Variants in CDR2L observed in about 807,000 individuals in gnomAD.
CDR2L encodes cerebellar degeneration-related protein 2-like.
Under a neutral mutation model 36.1 loss-of-function variants are expected in CDR2L, and 19 were observed. That is an observed-to-expected ratio of 0.53 (90% CI 0.37 to 0.77). The LOEUF (loss-of-function observed/expected upper bound fraction) is 0.77, where lower values mean the gene tolerates loss of function less well. CDR2L is among the 30% of genes least tolerant of loss of function. The pLI is 0.00. For missense variants in CDR2L, 575 were observed against 627.2 expected, an observed-to-expected ratio of 0.92 and a Z score of 0.89; for synonymous variants, 285 against 280.4, an observed-to-expected ratio of 1.02 and a Z score of -0.16.
intron 4 of CDR2L, 124 bp from the exon 5 acceptor site, chr17:75,003,059 C>A (rs2039876409): frequency 9.5e-7 from 1 of 1,049,428 alleles, no homozygotes; most frequent in Non-Finnish European, 1.4e-6. Flanking sequence ...GAGGGGCAAA[C>A]AATTTCAGCC....
rs745496157 is a variant in CDR2L, at chr17:75,003,901, G to A, written c.1225G>A (p.Gly409Ser). Residue 409 changes from glycine to serine, a missense_variant, in exon 5 of 5, where the codon GGT becomes AGT. Physicochemically the swap from Gly to Ser is moderately conservative, Grantham distance 56. Transcript: ENST00000337231. Reference protein sequence around the residue: ...RDLRGGEEGQGEVKAGEKSLS... With the variant: ...RDLRGGEEGQSEVKAGEKSLS... ...CCTGCGCGGGGGTGAGGAGGGCCAGGGTGAGGTCAAGGCAGGAGAGAAGAG... is the reference window on the plus strand; with the variant it reads ...CCTGCGCGGGGGTGAGGAGGGCCAGAGTGAGGTCAAGGCAGGAGAGAAGAG... The A allele has an allele frequency of 6.2e-7, 1 of 1,608,352 alleles. No homozygotes were observed. The highest frequency in any genetic ancestry group is 1.7e-5 in the Admixed American group (1 of 59,208).
intron 1 of CDR2L, among the ~76,000 whole-genome samples, chr17:74,994,193 G>A (rs1279079652): frequency 2.0e-5 from 3 of 152,200 alleles, no homozygotes; most frequent in African/African-American, 7.2e-5. Context: ...ACCGTATCTA[G>A]GAAACTTTCT....
intron 1 of CDR2L, among the ~76,000 whole-genome samples, chr17:74,995,945 C>A (rs2039822404): frequency 6.6e-6 from 1 of 152,006 alleles, no homozygotes; most frequent in South Asian, 2.1e-4. Context: ...CTTTGAGGAC[C>A]CGCTCTCTCC....
chr17:74,995,600 G>GC (rs1486144719), intron 1 of CDR2L, among the ~76,000 whole-genome samples: 1 of 152,106 alleles, frequency 6.6e-6, no homozygotes. Context: ...TGTTTCCCAG[G>GC]TTCAAGTGAT....
Position 74,999,558 on chromosome 17 carries a change from TG to T in CDR2L, c.136del (p.Glu46ArgfsTer21). On this transcript the variant is annotated frameshift_variant, in exon 2 of 5. Coordinates refer to ENST00000337231, the MANE Select transcript of CDR2L (RefSeq NM_014603.3). LOFTEE classifies it high-confidence loss of function. ...GKTLLERNKELEGSLQQMYST... is the reference protein window; with the variant it reads ...GKTLLERNKEXEGSLQQMYST... ...ACTCTGCTGGAGAGGAACAAGGAGC[TG>T]GAGGGGTCCCTGCAGCAGATGTACT... The T allele has an allele frequency of 6.3e-7, 1 of 1,589,704 alleles. No individual in the cohort carries two copies.
chr17:75,001,365 C>G lies in CDR2L; in HGVS notation c.217C>G (p.Leu73Val), dbSNP rs1472486139. Residue 73 changes from leucine to valine, a missense_variant, in exon 3 of 5, where the codon CTG (leucine) becomes GTG (valine). By Grantham distance (32) the Leu-to-Val change is conservative (BLOSUM62 1). Coordinates refer to ENST00000337231, the MANE Select transcript of CDR2L (RefSeq NM_014603.3). ...IEYLTKQLDT[L>V]RHVNEQHAKV... ...GTACCTAACCAAGCAGCTGGACACGCTGCGGCACGTGAACGAGCAGCACGC... is the reference window on the plus strand; with the variant it reads ...GTACCTAACCAAGCAGCTGGACACGGTGCGGCACGTGAACGAGCAGCACGC... 2 of 1,610,490 alleles carry G rather than the reference C, an allele frequency of 1.2e-6. No individual in the cohort carries two copies. Among genetic ancestry groups the G allele is most frequent in the Admixed American group, 3.4e-5 (2 of 59,360 alleles).
In CDR2L at chr17:74,989,983, C is replaced by T. The variant is rs1192420407; in HGVS notation, c.79+1861C>T. Among the ~76,000 whole-genome samples, 1 of 152,140 alleles carries T rather than the reference C, an allele frequency of 6.6e-6. No homozygotes were observed. The highest frequency in any genetic ancestry group is 1.5e-5 in the Non-Finnish European group (1 of 68,024). ...CAGTGGGGAGGGCTTCCTGGAAGAG[C>T]CAGGCTTAGAAAGAAAGATCAGAAA... is the stretch of plus-strand genomic sequence containing the variant. On this transcript the variant is annotated intron_variant, in intron 1 of 4. Coordinates refer to ENST00000337231, the MANE Select transcript of CDR2L (RefSeq NM_014603.3). This position sits in a 1 kb window ranked among gnomAD's most constrained non-coding sequence, Gnocchi z 4.2.
rs1175543314 is a variant in CDR2L, at chr17:74,989,853, G to A, written c.79+1731G>A. The stretch of plus-strand genomic sequence containing the variant: ...AGGGTTTCACCATGTTGGCCAGGCT[G>A]CTCTCAAACTCCTGACCTCAGATGA... On this transcript the variant is annotated intron_variant, in intron 1 of 4. Transcript: ENST00000337231. The surrounding 1 kb of genome is among the most constrained non-coding windows in gnomAD (Gnocchi z 4.2). 1.3e-5 allele frequency among the ~76,000 whole-genome samples: 2 copies of A among 152,058 alleles called. No individual in the cohort carries two copies. Among genetic ancestry groups the A allele is most frequent in the Admixed American group, 6.5e-5 (1 of 15,268 alleles).
At chr17:74,991,671 C>G (rs1159308058) in intron 1 of CDR2L, among the ~76,000 whole-genome samples, 2 of 149,840 alleles carry the variant, frequency 1.3e-5, no homozygotes, top group South Asian at 4.2e-4. Context: ...GAGCCAAGAT[C>G]GCGCCACTGC....
Position 75,002,211 on chromosome 17 carries a change from G to A in CDR2L, c.489G>A (p.Glu163=). 2 of 1,609,580 alleles carry A rather than the reference G, an allele frequency of 1.2e-6. No homozygotes were observed. The highest frequency in any genetic ancestry group is 1.7e-6 in the Non-Finnish European group (2 of 1,178,140). The part of the protein sequence containing the change: ...RTIHTFPCLK[E]LCTSPRCKDA... ...TCCACACCTTCCCCTGCCTCAAGGA[G>A]CTGTGCACCAGCCCCCGGTAGGTGA... is the stretch of plus-strand genomic sequence containing the variant. The change falls in exon 4 of 5, where the codon GAG becomes GAA. Residue 163 remains glutamate, a synonymous_variant. Transcript: ENST00000337231. The surrounding 1 kb of genome is among the most constrained non-coding windows in gnomAD (Gnocchi z 4.1).
intron 1 of CDR2L, among the ~76,000 whole-genome samples, chr17:74,995,151 C>G (rs2039817422): frequency 6.6e-6 from 1 of 151,566 alleles, no homozygotes; most frequent in African/African-American, 2.4e-5. Context: ...ATCCTCTCAC[C>G]TCAGCCTTCC....
At chr17:75,001,548 C>T (rs1407157002) in intron 3 of CDR2L, 59 bp downstream of exon 3, 4 of 1,411,264 alleles carry the variant, frequency 2.8e-6, no homozygotes, top group South Asian at 3.0e-5. Context: ...GCTGAGTGTA[C>T]ACAGGGGCCC....
intron 1 of CDR2L, among the ~76,000 whole-genome samples, chr17:74,999,017 C>T (rs2039847142): frequency 6.6e-6 from 1 of 152,138 alleles, no homozygotes; most frequent in Non-Finnish European, 1.5e-5. Flanking sequence ...AGCCAGCATG[C>T]CTCAAGGTAG....
chr17:74,999,730 G>T (rs1165581019), intron 2 of CDR2L, 114 bp downstream of exon 2: 4 of 620,410 alleles, frequency 6.4e-6, no homozygotes, highest in African/African-American at 1.8e-5. Context: ...TAGCCCAATA[G>T]CCTGGTACAG....
At chr17:74,996,808 A>G (rs1459063006) in intron 1 of CDR2L, among the ~76,000 whole-genome samples, 1 of 152,072 alleles carries the variant, frequency 6.6e-6, no homozygotes, top group Non-Finnish European at 1.5e-5. Flanking sequence ...AGCTGGGCAC[A>G]TGTCACTAGG....
At chr17:75,003,126 C>T (rs976996312) in intron 4 of CDR2L, 57 bp from the exon 5 acceptor site, 17 of 1,530,028 alleles carry the variant, frequency 1.1e-5, no homozygotes, top group Middle Eastern at 4.6e-4. Flanking sequence ...TGGCCGTGCC[C>T]GTGACCACTG....
At chr17:74,996,550 C>T (rs1289870273) in intron 1 of CDR2L, among the ~76,000 whole-genome samples, 2 of 151,920 alleles carry the variant, frequency 1.3e-5, no homozygotes, top group African/African-American at 4.8e-5. Flanking sequence ...CATCACACAA[C>T]TCAGACCCAC....
chr17:74,988,322 A>T (rs1477852438), intron 1 of CDR2L, among the ~76,000 whole-genome samples, 200 bp downstream of exon 1: 1 of 151,866 alleles, frequency 6.6e-6, no homozygotes, highest in Non-Finnish European at 1.5e-5. Flanking sequence ...ACGGGCGGAG[A>T]CCTGCAAAAG....
Position 75,004,129 on chromosome 17 carries a change from C to T in CDR2L, c.*55C>T. ...GTGGAAGCCGTGGGGTCCCTCAGGC[C>T]TGGGCGGTGCAGCTTCCAGAGAGCG... On this transcript the variant is annotated 3_prime_UTR_variant, in exon 5 of 5. Transcript: ENST00000337231. 6.8e-7 allele frequency: 1 copy of T among 1,470,442 alleles called. No individual in the cohort carries two copies. The highest frequency in any genetic ancestry group is 9.1e-7 in the Non-Finnish European group (1 of 1,094,502). 91.1% of individuals were successfully genotyped at this position (1,470,442 alleles called of 1,614,324 possible).
Sources: allele counts gnomAD v4.1 joint callset (sites outside exome capture counted in the v4.1 genomes callset), GRCh38; gene constraint gnomAD v4.1.1; non-coding constraint Gnocchi (gnomAD v3.1); transcripts MANE v1.5; gene names NCBI Gene and HGNC (gene_info 2026-07-23, HGNC 2026-07-21).